The following MAD1L1 variants were observed in gnomAD, a reference collection of about 807,000 sequenced individuals.
The protein encoded by MAD1L1 is mitotic spindle assembly checkpoint protein MAD1.
Under a neutral mutation model 96.9 loss-of-function variants are expected in MAD1L1, and 95 were observed. That is an observed-to-expected ratio of 0.98 (90% CI 0.83 to 1.16). MAD1L1 has a LOEUF of 1.16. Among genes scored for constraint, MAD1L1 ranks in the 50% most tolerant of loss-of-function variants. The pLI is 0.00. For missense variants in MAD1L1, 1,007 were observed against 954.4 expected (o/e 1.06, Z -0.73); for synonymous variants, 473 against 396.6 (o/e 1.19, Z -2.29).
intron 13 of MAD1L1, among the ~76,000 whole-genome samples, chr7:2,003,927 C>G (rs1781915205): frequency 1.3e-5 from 2 of 152,198 alleles, no homozygotes; most frequent in Non-Finnish European, 2.9e-5. Flanking sequence ...TCACCAGCAG[C>G]TGGGACTGGG....
intron 18 of MAD1L1, among the ~76,000 whole-genome samples, chr7:1,843,691 A>T (rs1210839327): frequency 6.6e-6 from 1 of 151,998 alleles, no homozygotes; most frequent in Admixed American, 6.6e-5. Flanking sequence ...TGAGCTGAAG[A>T]CTCACTTCTG....
intron 11 of MAD1L1, among the ~76,000 whole-genome samples, chr7:2,120,389 C>T (rs1190887883): frequency 3.3e-5 from 5 of 152,262 alleles, no homozygotes. Context: ...GCCAGCACCA[C>T]CTTCTGAGAA....
rs534678472 is a variant in MAD1L1, at chr7:2,071,656, A to T, written c.1074-2318T>A. 2.0e-5 allele frequency among the ~76,000 whole-genome samples: 3 copies of T among 152,318 alleles called. 1 individual carries two copies. The highest frequency in any genetic ancestry group is 7.2e-5 in the African/African-American group (3 of 41,592). ...GGGGAAGGAGAGGGGCTGAAGGCTG[A>T]GTGGTTCACCAATGAGCAGGGGCGG... On this transcript the variant is annotated intron_variant, in intron 11 of 18. Transcript: ENST00000265854.
At chr7:2,064,601 T>A (rs1289686397) in intron 12 of MAD1L1, among the ~76,000 whole-genome samples, 1 of 147,774 alleles carries the variant, frequency 6.8e-6, no homozygotes, top group Non-Finnish European at 1.5e-5. Context: ...CTCCCGGGAA[T>A]GTGGCAGCTT....
intron 18 of MAD1L1, among the ~76,000 whole-genome samples, chr7:1,819,973 G>A (rs1782039977): frequency 6.6e-6 from 1 of 152,158 alleles, no homozygotes; most frequent in Non-Finnish European, 1.5e-5. Context: ...AACAAGGAAA[G>A]CTGAAATAAT....
At chr7:1,871,844 AGAG>A (rs757501890) in intron 18 of MAD1L1, among the ~76,000 whole-genome samples, 5 of 152,164 alleles carry the variant, frequency 3.3e-5, no homozygotes, top group Non-Finnish European at 4.4e-5. Flanking sequence ...TCGGAGCCCC[AGAG>A]GAGATGTGGA....
chr7:2,214,906 G>A (rs754511127), intron 9 of MAD1L1, among the ~76,000 whole-genome samples: 3 of 152,130 alleles, frequency 2.0e-5, no homozygotes, highest in Non-Finnish European at 2.9e-5. Context: ...TGCTGCAACC[G>A]AAACAGATCA....
At chr7:2,132,096 T>C (rs1788537072) in intron 11 of MAD1L1, among the ~76,000 whole-genome samples, 1 of 152,252 alleles carries the variant, frequency 6.6e-6, no homozygotes, top group African/African-American at 2.4e-5. Context: ...TGTCTCAATC[T>C]GACCCCTGGG....
intron 10 of MAD1L1, among the ~76,000 whole-genome samples, chr7:2,189,356 C>T (rs776569032): frequency 1.3e-5 from 2 of 152,182 alleles, no homozygotes; most frequent in Non-Finnish European, 2.9e-5. Context: ...TTCAGAGCAG[C>T]ATTATTCACA....
In MAD1L1 at chr7:2,010,867, G is replaced by A. The variant is rs565464618; in HGVS notation, c.1359+3635C>T. On this transcript the variant is annotated intron_variant, in intron 13 of 18. Coordinates refer to ENST00000265854, the MANE Select transcript of MAD1L1 (RefSeq NM_001013836.2). ...GGGCAAGCTTCCAGGGAAGGCTTGCGAGGCCCGAGGTCAGAAGACATAGGA... is the reference window on the plus strand; with the variant it reads ...GGGCAAGCTTCCAGGGAAGGCTTGCAAGGCCCGAGGTCAGAAGACATAGGA... Among the ~76,000 whole-genome samples, 178 of 152,280 alleles carry A rather than the reference G, an allele frequency of 1.2e-3. 1 individual carries two copies. Among genetic ancestry groups the A allele is most frequent in the African/African-American group, 3.7e-3 (154 of 41,552 alleles).
At chr7:2,111,803 C>T (rs1164130293) in intron 11 of MAD1L1, among the ~76,000 whole-genome samples, 3 of 151,826 alleles carry the variant, frequency 2.0e-5, no homozygotes, top group South Asian at 4.1e-4. Context: ...ACACAGCAAA[C>T]GCACACACCG....
chr7:2,226,683 C>T (rs974874686), intron 3 of MAD1L1, among the ~76,000 whole-genome samples: 1 of 152,212 alleles, frequency 6.6e-6, no homozygotes, highest in Non-Finnish European at 1.5e-5. Context: ...CACCCCAGAC[C>T]TACTCAGTCA....
intron 10 of MAD1L1, among the ~76,000 whole-genome samples, chr7:2,158,048 G>A (rs558685621): frequency 6.6e-5 from 10 of 152,358 alleles, no homozygotes; most frequent in African/African-American, 2.2e-4. Flanking sequence ...AGTTCCAACT[G>A]CAGTCCAAGC....
chr7:1,868,849 G>T (rs921323330), intron 18 of MAD1L1, among the ~76,000 whole-genome samples: 8 of 152,148 alleles, frequency 5.3e-5, no homozygotes, highest in Admixed American at 1.3e-4. Context: ...GGGCCCAGCG[G>T]TGCAAGCCCT....
intron 11 of MAD1L1, among the ~76,000 whole-genome samples, chr7:2,085,739 G>A (rs1669552151): frequency 6.6e-6 from 1 of 152,198 alleles, no homozygotes; most frequent in African/African-American, 2.4e-5. Context: ...ATTTGGGTTG[G>A]CCCCATCTCT....
At chr7:1,998,757 C>T (rs1382830030) in intron 14 of MAD1L1, among the ~76,000 whole-genome samples, 2 of 151,224 alleles carry the variant, frequency 1.3e-5, no homozygotes, top group East Asian at 3.9e-4. Context: ...CAAGCCCCCA[C>T]ACAGGCAGAA....
chr7:2,230,036 A>C lies in MAD1L1; in HGVS notation c.98T>G (p.Ile33Ser). 1 of 1,613,826 alleles carries C rather than the reference A, an allele frequency of 6.2e-7. No individual in the cohort carries two copies. The highest frequency in any genetic ancestry group is 1.1e-5 in the South Asian group (1 of 91,012). The change falls in exon 3 of 19, where the codon ATT becomes AGT. Residue 33 changes from isoleucine to serine, a missense_variant. Physicochemically the swap from Ile to Ser is moderately radical, Grantham distance 142. Transcript: ENST00000265854. Reference protein sequence around the residue: ...QRVEGGSGLDISTSAPGSLQM... With the variant: ...QRVEGGSGLDSSTSAPGSLQM... Reference sequence around the variant, plus strand: ...CAGAGAACCTGGGGCCGAGGTAGAAATATCCAGTCCAGAGCCTCCCTCCAC... The same window carrying C: ...CAGAGAACCTGGGGCCGAGGTAGAACTATCCAGTCCAGAGCCTCCCTCCAC...
intron 11 of MAD1L1, among the ~76,000 whole-genome samples, chr7:2,135,930 G>A (rs1788727814): frequency 6.6e-6 from 1 of 152,210 alleles, no homozygotes; most frequent in Non-Finnish European, 1.5e-5. Flanking sequence ...GCCATGATCA[G>A]GACCACGCGG....
At chr7:1,919,451 C>T (rs529844114) in intron 17 of MAD1L1, among the ~76,000 whole-genome samples, 9 of 152,334 alleles carry the variant, frequency 5.9e-5, no homozygotes, top group Non-Finnish European at 8.8e-5. Context: ...CCAAGCCTGC[C>T]GTCCTCGCTG....
Sources: allele counts gnomAD v4.1 joint callset (sites outside exome capture counted in the v4.1 genomes callset), GRCh38; gene constraint gnomAD v4.1.1; transcripts MANE v1.5; gene names NCBI Gene and HGNC (gene_info 2026-07-23, HGNC 2026-07-21).